The following PAWR variants were observed in gnomAD, a reference collection of about 807,000 sequenced individuals.
The protein encoded by PAWR is pro-apoptotic WT1 regulator.
A neutral mutation model predicts 32.0 loss-of-function variants in PAWR; 23 were observed. The ratio of observed to expected loss-of-function variants is 0.72; its 90% CI spans 0.52 to 1.02. The LOEUF is 1.02. Ranked by LOEUF, PAWR falls within the 50% of genes least tolerant of loss-of-function variation. The pLI, the probability that PAWR is intolerant of heterozygous loss-of-function variation, is 0.00. For missense variants in PAWR, 457 were observed against 437.7 expected, an observed-to-expected ratio of 1.04 and a Z score of -0.39; for synonymous variants, 226 against 187.1, an observed-to-expected ratio of 1.21 and a Z score of -1.70.
intron 2 of PAWR, among the ~76,000 whole-genome samples, chr12:79,667,636 C>T (rs1308744722): frequency 6.6e-6 from 1 of 152,106 alleles, no homozygotes; most frequent in African/African-American, 2.4e-5. Flanking sequence ...AATTTTTGGG[C>T]ACTGATTGGA....
intron 4 of PAWR, among the ~76,000 whole-genome samples, chr12:79,601,507 G>A (rs1334776339): frequency 6.6e-6 from 1 of 151,980 alleles, no homozygotes; most frequent in Non-Finnish European, 1.5e-5. Flanking sequence ...GCCTGGCCCT[G>A]AAAGCTATTT....
chr12:79,651,158 G>C (rs1332189772), intron 2 of PAWR, among the ~76,000 whole-genome samples: 2 of 152,056 alleles, frequency 1.3e-5, no homozygotes, highest in Non-Finnish European at 2.9e-5. Flanking sequence ...CTAGTATCTA[G>C]GAAATGCATA....
At chr12:79,596,726 T>C (rs1873768432) in intron 4 of PAWR, 68 bp from the exon 5 acceptor site, 1 of 1,034,236 alleles carries the variant, frequency 9.7e-7, no homozygotes, top group Admixed American at 2.8e-5. Context: ...GAATATTTTC[T>C]ATTGAGCTTA....
At chr12:79,670,176 T>A (rs527298748) in intron 2 of PAWR, among the ~76,000 whole-genome samples, 2 of 152,294 alleles carry the variant, frequency 1.3e-5, no homozygotes, top group Admixed American at 1.3e-4. Flanking sequence ...TCCCCCATTT[T>A]AAAAAGCCAT....
At chr12:79,635,444 C>T (rs891634229) in intron 2 of PAWR, 2 of 151,326 alleles carry the variant, frequency 1.3e-5, no homozygotes, top group African/African-American at 2.4e-5. Context: ...AAACACAGTT[C>T]CGGTAAGAAA....
intron 2 of PAWR, among the ~76,000 whole-genome samples, chr12:79,689,476 A>G (rs1001069939): frequency 6.6e-6 from 1 of 152,330 alleles, no homozygotes; most frequent in East Asian, 1.9e-4. Flanking sequence ...CTACCACGGT[A>G]AAAAAGGATC....
chr12:79,689,993 G>C lies in PAWR; in HGVS notation c.252C>G (p.Pro84=). The C allele has an allele frequency of 2.3e-6, 3 of 1,311,696 alleles. No homozygotes were observed. Among genetic ancestry groups the C allele is most frequent in the Non-Finnish European group, 2.9e-6 (3 of 1,036,420 alleles). 81.3% of individuals were successfully genotyped at this position (1,311,696 alleles called of 1,614,324 possible). ...CCGCGCAGTTCACGCCCCCGGGACC[G>C]GGGACGGCAGGTGCGGCCGGCGCGC... ...PGGAPAAPAV[P]GPGGVNCAVG... The change falls in exon 2 of 7, where the codon CCC becomes CCG. Residue 84 remains proline, a synonymous_variant. Coordinates refer to ENST00000328827, the MANE Select transcript of PAWR (RefSeq NM_002583.4).
At chr12:79,674,599 T>C (rs1402291813) in intron 2 of PAWR, among the ~76,000 whole-genome samples, 1 of 151,970 alleles carries the variant, frequency 6.6e-6, no homozygotes, top group Non-Finnish European at 1.5e-5. Flanking sequence ...CAAAATAAAC[T>C]ATCAACAGAG....
At position 79,689,729 on chromosome 12, in the gene PAWR, C is replaced by A; in HGVS notation, c.516G>T (p.Glu172Asp). 6.4e-7 allele frequency: 1 copy of A among 1,553,850 alleles called. No homozygotes were observed. Among genetic ancestry groups the A allele is most frequent in the Middle Eastern group, 2.0e-4 (1 of 5,022 alleles). The change falls in exon 2 of 7, where the codon GAG becomes GAT. Residue 172 changes from glutamate to aspartate, a missense_variant and splice_region_variant. Physicochemically the swap from Glu to Asp is conservative, Grantham distance 45 (BLOSUM62 2). Coordinates refer to ENST00000328827, the MANE Select transcript of PAWR (RefSeq NM_002583.4). ...STGVVNIPAA[E>D]CLDEYEDDEA... is the part of the protein sequence containing the mutation. ...CGGCTGCGGCCCCCGCCCGGCTCAC[C>A]TCTGCGGCAGGGATGTTGACCACGC...
intron 2 of PAWR, among the ~76,000 whole-genome samples, chr12:79,634,160 A>G (rs552170582): frequency 1.8e-4 from 27 of 152,370 alleles, no homozygotes; most frequent in South Asian, 4.1e-4. Flanking sequence ...CATCTGTACC[A>G]TAACACTTCT....
chr12:79,632,132 C>CAAAAAAAAAA (rs59152885), intron 2 of PAWR: 23 of 50,910 alleles, frequency 4.5e-4, no homozygotes, highest in African/African-American at 1.4e-3. Context: ...GACTCTGTCT[C>CAAAAAAAAAA]AAAAAAAAAA....
intron 2 of PAWR, among the ~76,000 whole-genome samples, chr12:79,628,975 T>C (rs374571673): frequency 5.3e-5 from 8 of 152,148 alleles, no homozygotes; most frequent in South Asian, 2.1e-4. Context: ...AATACATATA[T>C]ATAGATATTT....
chr12:79,606,974 A>C (rs1455748788), intron 4 of PAWR, among the ~76,000 whole-genome samples: 1 of 152,152 alleles, frequency 6.6e-6, no homozygotes, highest in Non-Finnish European at 1.5e-5. Context: ...AAGTTCAGAA[A>C]TTCACCAGTC....
chr12:79,651,992 T>C (rs1876872194), intron 2 of PAWR, among the ~76,000 whole-genome samples: 2 of 152,146 alleles, frequency 1.3e-5, no homozygotes, highest in African/African-American at 4.8e-5. Context: ...AAATAAGCCA[T>C]TCACAAGAGG....
chr12:79,625,552 T>G (rs1875251087), intron 2 of PAWR, among the ~76,000 whole-genome samples: 1 of 152,210 alleles, frequency 6.6e-6, no homozygotes. Context: ...CCGGGCGTGG[T>G]GGCTCACGCC....
intron 2 of PAWR, among the ~76,000 whole-genome samples, chr12:79,665,429 C>G (rs1877556654): frequency 6.6e-6 from 1 of 152,186 alleles, no homozygotes; most frequent in Non-Finnish European, 1.5e-5. Flanking sequence ...ACTATTTAAA[C>G]TGCCAAATAT....
chr12:79,666,327 G>A (rs1877601846), intron 2 of PAWR, among the ~76,000 whole-genome samples: 1 of 152,126 alleles, frequency 6.6e-6, no homozygotes, highest in South Asian at 2.1e-4. Flanking sequence ...TAAAACAGCT[G>A]ATGAAAGGAA....
intron 2 of PAWR, among the ~76,000 whole-genome samples, chr12:79,626,693 A>G (rs1292000948): frequency 2.0e-5 from 3 of 151,328 alleles, no homozygotes; most frequent in Non-Finnish European, 2.9e-5. Flanking sequence ...GCACCCATTA[A>G]CTCGTCATTT....
chr12:79,629,460 A>G (rs1346537911), intron 2 of PAWR, among the ~76,000 whole-genome samples: 1 of 152,136 alleles, frequency 6.6e-6, no homozygotes, highest in African/African-American at 2.4e-5. Context: ...GTAGTCACCA[A>G]ATAAAGGAGC....
Sources: gnomAD v4.1 joint callset for allele counts (sites outside exome capture counted in the v4.1 genomes callset) on GRCh38, gnomAD v4.1.1 for gene constraint, MANE v1.5 for transcripts, NCBI Gene and HGNC (gene_info 2026-07-23, HGNC 2026-07-21) for gene names.